SIMC1: variants seen among roughly 807,000 people sequenced by gnomAD.
The protein encoded by SIMC1 is SUMO interacting motifs containing 1, also known as SUMO-interacting motif-containing protein 1.
SIMC1 carries 55 observed loss-of-function variants against 82.3 expected under a neutral mutation model. The ratio of observed to expected loss-of-function variants is 0.67; its 90% CI spans 0.54 to 0.84. The LOEUF (loss-of-function observed/expected upper bound fraction) is 0.84, where lower values mean the gene tolerates loss of function less well. Ranked by LOEUF, SIMC1 falls within the 40% of genes least tolerant of loss-of-function variation. The pLI, the probability that SIMC1 is intolerant of heterozygous loss-of-function variation, is 0.00. For missense variants in SIMC1, 915 were observed against 1,107.2 expected, an observed-to-expected ratio of 0.83 and a Z score of 2.46; for synonymous variants, 353 against 426.3, an observed-to-expected ratio of 0.83 and a Z score of 2.12.
At position 176,294,979 on chromosome 5, in the gene SIMC1, AAAAAAAAG is replaced by A; in HGVS notation, c.1432-46_1432-39del. The A allele has an allele frequency of 2.6e-6, 4 of 1,529,700 alleles. No homozygotes were observed. In the East Asian group the frequency reaches 7.1e-5, roughly 27 times the overall value. The allele number at this position is 1,529,700 out of a possible 1,614,324, so 94.8% of individuals were successfully genotyped here. On this transcript the variant is annotated intron_variant, in intron 2 of 9. Coordinates refer to ENST00000429602, the MANE Select transcript of SIMC1 (RefSeq NM_001308195.2). The stretch of plus-strand genomic sequence containing the variant: ...GACTCCGTCTCAAAAAAAAAAAAAA[AAAAAAAAG>A]AAAAGAAATCCCTCCTAATTTCCTT...
At chr5:176,242,820 C>T (rs1208678586) in intron 1 of SIMC1, among the ~76,000 whole-genome samples, 1 of 151,960 alleles carries the variant, frequency 6.6e-6, no homozygotes, top group Non-Finnish European at 1.5e-5. Context: ...GCTGGGAATA[C>T]ATCTATGAAA....
chr5:176,304,168 A>G (rs900032594), intron 4 of SIMC1: 1 of 140,898 alleles, frequency 7.1e-6, no homozygotes, highest in African/African-American at 2.7e-5. Context: ...GTTATAAATC[A>G]TATATCTGAT....
rs1766434811 is a variant in SIMC1, at chr5:176,345,662, AT to A, written c.*223del. The A allele has an allele frequency of 6.6e-6, 2 of 301,738 alleles. No individual in the cohort carries two copies. The highest frequency in any genetic ancestry group is 2.2e-5 in the African/African-American group (1 of 46,272). 18.7% of individuals were successfully genotyped at this position (301,738 alleles called of 1,614,324 possible). Reference sequence around the variant, plus strand: ...TGGCTTAAATATACAAGGTATATATATTTTTTAATAAATTATTTATCTATAC... The same window carrying A: ...TGGCTTAAATATACAAGGTATATATATTTTTAATAAATTATTTATCTATAC... On this transcript the variant is annotated 3_prime_UTR_variant, in exon 10 of 10. Coordinates refer to ENST00000429602, the MANE Select transcript of SIMC1 (RefSeq NM_001308195.2).
chr5:176,299,036 G>T (rs1417029334), intron 4 of SIMC1, among the ~76,000 whole-genome samples: 1 of 152,166 alleles, frequency 6.6e-6, no homozygotes, highest in African/African-American at 2.4e-5. Context: ...TAGCTGAATG[G>T]ACTAAAAACC....
chr5:176,293,359 C>T (rs1322375094), intron 2 of SIMC1, among the ~76,000 whole-genome samples: 4 of 151,148 alleles, frequency 2.6e-5, no homozygotes, highest in African/African-American at 7.3e-5. Flanking sequence ...GGCATGAACC[C>T]GGGAGGCGGA....
Position 176,345,261 on chromosome 5 carries a change from A to C in SIMC1, c.2492A>C (p.Asp831Ala). 1 of 1,614,046 alleles carries C rather than the reference A, an allele frequency of 6.2e-7. No individual in the cohort carries two copies. The highest frequency in any genetic ancestry group is 8.5e-7 in the Non-Finnish European group (1 of 1,179,894). Residue 831 changes from aspartate (D) to alanine (A), a missense_variant, in exon 10 of 10, where the codon GAC becomes GCC. Physicochemically the swap from Asp to Ala is moderately radical, Grantham distance 126. Coordinates refer to ENST00000429602, the MANE Select transcript of SIMC1 (RefSeq NM_001308195.2). ...AAGCCCAAACCCCAGCAAGGAGATG[A>C]CATCACAGTGGTAGACGTAGAGAAG... ...RIKPKPQQGD[D>A]ITVVDVEKQI...
At chr5:176,309,901 C>G (rs530617415) in intron 4 of SIMC1, among the ~76,000 whole-genome samples, 1 of 152,108 alleles carries the variant, frequency 6.6e-6, no homozygotes, top group Admixed American at 6.5e-5. Flanking sequence ...CACCACCACA[C>G]TCCAACCTGT....
At chr5:176,300,167 A>G (rs1174675890) in intron 4 of SIMC1, among the ~76,000 whole-genome samples, 13 of 152,262 alleles carry the variant, frequency 8.5e-5, no homozygotes, top group Non-Finnish European at 1.9e-4. Context: ...TGAAAAAGAA[A>G]GATCTCAAAC....
At chr5:176,312,329 T>C (rs890393049) in intron 4 of SIMC1, among the ~76,000 whole-genome samples, 1 of 151,990 alleles carries the variant, frequency 6.6e-6, no homozygotes. Context: ...TGAGGTCAGG[T>C]GTTCAAGACC....
At chr5:176,279,927 G>A (rs1395474620) in intron 1 of SIMC1, among the ~76,000 whole-genome samples, 1 of 152,060 alleles carries the variant, frequency 6.6e-6, no homozygotes, top group Non-Finnish European at 1.5e-5. Flanking sequence ...GTGTGGTGCG[G>A]TGCTGAAAAA....
rs1321217499 is a variant in SIMC1, at chr5:176,336,844, C to G, written c.2296C>G (p.Leu766Val). ...PLSLAQALYF[L>V]NNSTSLLKCQ... ...GTCTCTGGCCCAGGCCCTCTACTTT[C>G]TGAATAATTCTACGTCACTGCTCAA... Residue 766 changes from leucine (L) to valine (V), a missense_variant, in exon 8 of 10, where the codon CTG becomes GTG. By Grantham distance (32) the Leu-to-Val change is conservative (BLOSUM62 1). Transcript: ENST00000429602. 1 of 1,613,886 alleles carries G rather than the reference C, an allele frequency of 6.2e-7. No individual in the cohort carries two copies. The highest frequency in any genetic ancestry group is 8.5e-7 in the Non-Finnish European group (1 of 1,179,902).
At chr5:176,276,979 G>A in intron 1 of SIMC1, among the ~76,000 whole-genome samples, 1 of 150,674 alleles carries the variant, frequency 6.6e-6, no homozygotes, top group Non-Finnish European at 1.5e-5. Context: ...GGGATGGCTG[G>A]GTCAAATGGT....
At position 176,320,413 on chromosome 5, in the gene SIMC1, G is replaced by T. The variant is rs575042345; in HGVS notation, c.1890-1860G>T. ...CGGAGTCTCACTCTGGTTGCCCAAG[G>T]CTGGAGTGCAGCAACCCGATCACAG... On this transcript the variant is annotated intron_variant, in intron 5 of 9. Transcript: ENST00000429602. Among the ~76,000 whole-genome samples the T allele has an allele frequency of 3.3e-4, 50 of 151,870 alleles. No homozygotes were observed. The South Asian group carries it at 0.01, about 31-fold the overall frequency.
At chr5:176,278,840 G>C (rs1258097983) in intron 1 of SIMC1, among the ~76,000 whole-genome samples, 1 of 149,302 alleles carries the variant, frequency 6.7e-6, no homozygotes, top group Admixed American at 6.8e-5. Context: ...TGTGCTGCTG[G>C]ATTCGGTTTG....
chr5:176,273,912 C>T (rs1363689231), intron 1 of SIMC1, among the ~76,000 whole-genome samples: 3 of 151,834 alleles, frequency 2.0e-5, no homozygotes, highest in South Asian at 4.2e-4. Context: ...CATTGTTGGA[C>T]ATTTGGGTTG....
chr5:176,296,540 A>G (rs1581269582), intron 4 of SIMC1: 4 of 541,256 alleles, frequency 7.4e-6, no homozygotes, highest in African/African-American at 3.8e-5. Context: ...ATAGTGATGC[A>G]TGCCTGTGGT....
At chr5:176,318,082 T>C (rs1764997550) in intron 5 of SIMC1, among the ~76,000 whole-genome samples, 1 of 152,102 alleles carries the variant, frequency 6.6e-6, no homozygotes, top group South Asian at 2.1e-4. Context: ...ATCAGTTCGA[T>C]TAGTTGTGGG....
chr5:176,249,452 C>T (rs1761567010), intron 1 of SIMC1, among the ~76,000 whole-genome samples: 1 of 151,934 alleles, frequency 6.6e-6, no homozygotes. Context: ...GGCGATATCC[C>T]CTTTATTATT....
intron 1 of SIMC1, among the ~76,000 whole-genome samples, chr5:176,257,074 C>G (rs1341935562): frequency 1.3e-5 from 2 of 149,092 alleles, no homozygotes; most frequent in East Asian, 2.0e-4. Flanking sequence ...TATTTTTATA[C>G]CAAATTATTT....
Sources: allele counts gnomAD v4.1 joint callset (sites outside exome capture counted in the v4.1 genomes callset), GRCh38; gene constraint gnomAD v4.1.1; transcripts MANE v1.5; gene names NCBI Gene and HGNC (gene_info 2026-07-23, HGNC 2026-07-21).